SMIM31: variants seen among roughly 807,000 people sequenced by gnomAD.
SMIM31 encodes the protein small integral membrane protein 31, also known as human epithelial cell program regulator.
intron 2 of SMIM31, among the ~76,000 whole-genome samples, chr4:164,793,210 G>A (rs1560832139): frequency 6.6e-6 from 1 of 152,108 alleles, no homozygotes; most frequent in South Asian, 2.1e-4. Context: ...GGAGACTAAC[G>A]GAGTGAGGAG....
chr4:164,759,784 A>C (rs1315520254), intron 1 of SMIM31, among the ~76,000 whole-genome samples: 1 of 152,166 alleles, frequency 6.6e-6, no homozygotes, highest in Non-Finnish European at 1.5e-5. Context: ...ACACACAAAA[A>C]TCCTCGCCCT....
chr4:164,762,662 C>CAAAAAAAAAAAACAAAA, intron 1 of SMIM31, among the ~76,000 whole-genome samples: 1 of 100,116 alleles, frequency 1.0e-5, no homozygotes, highest in Non-Finnish European at 2.0e-5. Context: ...GACTCTGTCT[C>CAAAAAAAAAAAACAAAA]AAAAAAAAAA....
At chr4:164,788,548 GGCGCAATCTCGGCTCACA>G (rs1426211298) in intron 2 of SMIM31, among the ~76,000 whole-genome samples, 2 of 120,996 alleles carry the variant, frequency 1.7e-5, no homozygotes, top group Non-Finnish European at 3.2e-5. Flanking sequence ...GGAGTGCAAT[GGCGCAATCTCGGCTCACA>G]GCAACTTCCG....
chr4:164,797,622 C>A (rs1733218796), intron 2 of SMIM31, among the ~76,000 whole-genome samples: 1 of 151,922 alleles, frequency 6.6e-6, no homozygotes, highest in Non-Finnish European at 1.5e-5. Flanking sequence ...TGCCACCATG[C>A]CCGGCCAATT....
At chr4:164,759,105 T>C (rs533244763) in intron 1 of SMIM31, among the ~76,000 whole-genome samples, 1 of 152,252 alleles carries the variant, frequency 6.6e-6, no homozygotes, top group African/African-American at 2.4e-5. Flanking sequence ...GGATTTCATT[T>C]GCTATCATCT....
At chr4:164,798,236 T>TTA (rs140993553) in intron 2 of SMIM31, among the ~76,000 whole-genome samples, 8,783 of 151,118 alleles carry the variant, frequency 0.058, 277 homozygotes, top group Non-Finnish European at 0.078. Flanking sequence ...TTTTATTTTT[T>TTA]TTTTTTATTT....
intron 2 of SMIM31, among the ~76,000 whole-genome samples, chr4:164,800,508 T>C (rs1371666224): frequency 6.6e-6 from 1 of 152,198 alleles, no homozygotes; most frequent in Non-Finnish European, 1.5e-5. Context: ...GCACCTGGAC[T>C]GTTTAACATA....
chr4:164,758,628 TTG>T lies in SMIM31; in HGVS notation c.-26+4219_-26+4220del, dbSNP rs1438596451. Among the ~76,000 whole-genome samples, 11 of 127,440 alleles carry T rather than the reference TTG, an allele frequency of 8.6e-5. 2 individuals are homozygous for T. Among genetic ancestry groups the T allele is most frequent in the Non-Finnish European group, 1.2e-4 (7 of 58,656 alleles). 83.6% of individuals were successfully genotyped at this position (127,440 alleles called of 152,430 possible). On this transcript the variant is annotated intron_variant, in intron 1 of 2. Transcript: ENST00000507311. ...GACCATATATGTAGTTTTCCTTTTT[TTG>T]TTTTTTTTTTTTTTTTTTTTTGAGA...
In SMIM31 at chr4:164,764,565, CA is replaced by C. The variant is rs11388843; in HGVS notation, c.-25-5841del. ...CTGGCGACAGAGCGAGACTCCATCT[CA>C]AAAAAAAAAAAAGAAAAAAATAGAA... On this transcript the variant is annotated intron_variant, in intron 1 of 2. Transcript: ENST00000507311. Among the ~76,000 whole-genome samples, 448 of 130,204 alleles carry C rather than the reference CA, an allele frequency of 3.4e-3. 2 individuals carry two copies. The highest frequency in any genetic ancestry group is 0.011 in the African/African-American group (360 of 33,450). The allele number at this position is 130,204 out of a possible 152,430, so 85.4% of individuals were successfully genotyped here.
In SMIM31 at chr4:164,801,039, T is replaced by A. The variant is rs1343248972; in HGVS notation, c.113-52T>A. ...CTTATAACCGAAGTTAATTTCTACT[T>A]TTTCCAAATGGTGTATTTACATTCC... On this transcript the variant is annotated intron_variant, in intron 2 of 2. Transcript: ENST00000507311. 7.5e-6 allele frequency: 3 copies of A among 398,080 alleles called. No individual in the cohort carries two copies. In the Admixed American group the frequency reaches 1.3e-4, roughly 18 times the overall value. 24.7% of individuals were successfully genotyped at this position (398,080 alleles called of 1,614,324 possible). A position where few individuals can be genotyped will look rare whatever the true frequency, so the allele number is the denominator to read the frequency against.
chr4:164,759,615 G>T (rs1430033154), intron 1 of SMIM31, among the ~76,000 whole-genome samples: 2 of 152,072 alleles, frequency 1.3e-5, no homozygotes, highest in Non-Finnish European at 2.9e-5. Flanking sequence ...TATCAATGAG[G>T]TATCATTCCA....
intron 2 of SMIM31, among the ~76,000 whole-genome samples, chr4:164,789,062 A>ATTGT (rs56373268): frequency 0.47 from 70,361 of 150,670 alleles, 16,436 homozygotes; most frequent in Non-Finnish European, 0.5. Flanking sequence ...TTACTTGAAA[A>ATTGT]TTGTGATCTG....
At position 164,801,451 on chromosome 4, in the gene SMIM31, C is replaced by T. The variant is rs183136528; in HGVS notation, c.*257C>T. ...ATTGATTATACAAAAAAAAAAAGACCAAAGTGGTTACAATAATAAAATAGA... is the reference window on the plus strand; with the variant it reads ...ATTGATTATACAAAAAAAAAAAGACTAAAGTGGTTACAATAATAAAATAGA... On this transcript the variant is annotated 3_prime_UTR_variant, in exon 3 of 3. Coordinates refer to ENST00000507311, the MANE Select transcript of SMIM31 (RefSeq NM_001352885.1). 1.4e-3 allele frequency: 406 copies of T among 288,028 alleles called. 1 individual carries two copies. Among genetic ancestry groups the T allele is most frequent in the Non-Finnish European group, 2.2e-3 (340 of 157,566 alleles). The allele number at this position is 288,028 out of a possible 1,614,324, so 17.8% of individuals were successfully genotyped here. A position where few individuals can be genotyped will look rare whatever the true frequency, so the allele number is the denominator to read the frequency against.
chr4:164,764,195 G>A (rs1732688357), intron 1 of SMIM31, among the ~76,000 whole-genome samples: 1 of 152,122 alleles, frequency 6.6e-6, no homozygotes, highest in South Asian at 2.1e-4. Context: ...CACTATCATT[G>A]GAGGCATGGA....
At chr4:164,797,618 C>T (rs1375234548) in intron 2 of SMIM31, among the ~76,000 whole-genome samples, 1 of 151,978 alleles carries the variant, frequency 6.6e-6, no homozygotes, top group East Asian at 1.9e-4. Flanking sequence ...TGCGTGCCAC[C>T]ATGCCCGGCC....
intron 1 of SMIM31, among the ~76,000 whole-genome samples, chr4:164,768,261 AAAGAGAAAG>A (rs760660733): frequency 6.6e-5 from 10 of 150,848 alleles, no homozygotes; most frequent in Non-Finnish European, 1.2e-4. Flanking sequence ...AAAGAAAAGA[AAAGAGAAAG>A]AAGAGAAAGA....
At chr4:164,774,819 A>G (rs963672918) in intron 2 of SMIM31, among the ~76,000 whole-genome samples, 2 of 152,124 alleles carry the variant, frequency 1.3e-5, no homozygotes, top group Non-Finnish European at 2.9e-5. Context: ...TTGCTATTTT[A>G]TATTAAATTT....
At chr4:164,796,633 C>A (rs538999021) in intron 2 of SMIM31, among the ~76,000 whole-genome samples, 44 of 152,332 alleles carry the variant, frequency 2.9e-4, no homozygotes, top group African/African-American at 1.0e-3. Context: ...CCACCCACCA[C>A]CTTCCCTTCA....
chr4:164,766,421 A>G (rs1017935057), intron 1 of SMIM31, among the ~76,000 whole-genome samples: 5 of 152,224 alleles, frequency 3.3e-5, no homozygotes, highest in African/African-American at 9.6e-5. Context: ...TATGCCCGTC[A>G]TTTTTCTAAG....
Sources: allele counts gnomAD v4.1 joint callset (sites outside exome capture counted in the v4.1 genomes callset), GRCh38; gene constraint gnomAD v4.1.1; transcripts MANE v1.5; gene names NCBI Gene and HGNC (gene_info 2026-07-23, HGNC 2026-07-21).